The following THSD7B variants were observed in gnomAD, a reference collection of about 807,000 sequenced individuals.
The protein encoded by THSD7B is thrombospondin type-1 domain-containing protein 7B.
In THSD7B, 138 loss-of-function variants were observed where a neutral mutation model predicts 213.6. That is an observed-to-expected ratio of 0.65 (90% CI 0.56 to 0.74). THSD7B has a LOEUF of 0.74. THSD7B is among the 30% of genes least tolerant of loss of function. THSD7B has a pLI of 0.00. For missense variants in THSD7B, 1,931 were observed against 1,991.5 expected, an observed-to-expected ratio of 0.97 and a Z score of 0.58; for synonymous variants, 742 against 687.0, an observed-to-expected ratio of 1.08 and a Z score of -1.25.
intron 2 of THSD7B, among the ~76,000 whole-genome samples, chr2:136,989,333 G>A (rs1261914538): frequency 6.6e-6 from 1 of 152,190 alleles, no homozygotes; most frequent in East Asian, 1.9e-4. Flanking sequence ...CTCATGAATG[G>A]CTTGGTGCTG....
rs530402393 is a variant in THSD7B at position 137,463,209 on chromosome 2, G to C, written c.3138+12186G>C. 2.7e-4 allele frequency among the ~76,000 whole-genome samples: 41 copies of C among 152,236 alleles called. No homozygotes were observed. In the South Asian group the frequency reaches 6.8e-3, roughly 25 times the overall value. On this transcript the variant is annotated intron_variant, in intron 15 of 27. Coordinates refer to ENST00000409968, the MANE Select transcript of THSD7B (RefSeq NM_001316349.2). The stretch of plus-strand genomic sequence containing the variant: ...CTAGAGACAGCAAGGACCATGTAGC[G>C]TAAGCCAGGGGGCAACTACAACACA...
intron 12 of THSD7B, among the ~76,000 whole-genome samples, chr2:137,341,327 A>G (rs1684756664): frequency 1.3e-5 from 2 of 151,298 alleles, no homozygotes; most frequent in Admixed American, 1.3e-4. Context: ...AGCTCCTTAT[A>G]TATATTGAAT....
chr2:137,581,791 A>C (rs549903667), intron 17 of THSD7B, among the ~76,000 whole-genome samples: 309 of 149,278 alleles, frequency 2.1e-3, no homozygotes, highest in African/African-American at 7.0e-3. Flanking sequence ...AAAAATAATA[A>C]TAAATAATAA....
chr2:137,366,675 A>G (rs1347996801), intron 12 of THSD7B, among the ~76,000 whole-genome samples: 1 of 152,110 alleles, frequency 6.6e-6, no homozygotes, highest in Non-Finnish European at 1.5e-5. Context: ...CCTTCCTTGC[A>G]AATCTTGCAA....
intron 5 of THSD7B, among the ~76,000 whole-genome samples, chr2:137,145,258 TAAG>T (rs1313103840): frequency 2.0e-5 from 3 of 152,054 alleles, no homozygotes; most frequent in African/African-American, 7.2e-5. Context: ...CAATGAATAT[TAAG>T]AAGAGAGGCC....
chr2:137,405,779 C>CGCCT lies in THSD7B; in HGVS notation c.2667_2668insGCCT (p.Thr890AlafsTer5). On this transcript the variant is annotated frameshift_variant, in exon 13 of 28. Coordinates refer to ENST00000409968, the MANE Select transcript of THSD7B (RefSeq NM_001316349.2). LOFTEE classifies it high-confidence loss of function. ...CGCCCTGCTCCACGAACTGTGAAGC[C>CGCCT]ACAAAAAGTAGGCGGCGACAGCTCA... is the stretch of plus-strand genomic sequence containing the variant. The CGCCT allele has an allele frequency of 6.2e-7, 1 of 1,612,894 alleles. No individual in the cohort carries two copies. The highest frequency in any genetic ancestry group is 8.5e-7 in the Non-Finnish European group (1 of 1,179,468).
chr2:137,042,382 C>A (rs975655117), intron 2 of THSD7B, among the ~76,000 whole-genome samples: 1 of 152,100 alleles, frequency 6.6e-6, no homozygotes, highest in Non-Finnish European at 1.5e-5. Flanking sequence ...ATCATGCATG[C>A]AAAATATTTC....
intron 2 of THSD7B, among the ~76,000 whole-genome samples, chr2:137,011,583 C>A (rs1686231676): frequency 6.6e-6 from 1 of 152,170 alleles, no homozygotes; most frequent in Admixed American, 6.5e-5. Flanking sequence ...TAGGCCCTGG[C>A]TGAAAAGCAC....
Position 136,927,081 on chromosome 2 carries a change from G to A in THSD7B, c.139+44764G>A, listed in dbSNP as rs948499375. Among the ~76,000 whole-genome samples the A allele has an allele frequency of 7.2e-5, 11 of 151,760 alleles. 1 individual carries two copies. Among genetic ancestry groups the A allele is most frequent in the Admixed American group, 2.0e-4 (3 of 15,238 alleles). On this transcript the variant is annotated intron_variant, in intron 2 of 27. Coordinates refer to ENST00000409968, the MANE Select transcript of THSD7B (RefSeq NM_001316349.2). Reference sequence around the variant, plus strand: ...GTACACCAAAAAGACCTTATGATTTGTCTTATGCCTCAGCTATATATTCTG... The same window carrying A: ...GTACACCAAAAAGACCTTATGATTTATCTTATGCCTCAGCTATATATTCTG...
intron 16 of THSD7B, among the ~76,000 whole-genome samples, chr2:137,567,836 T>G (rs188649262): frequency 6.6e-6 from 1 of 152,278 alleles, no homozygotes; most frequent in African/African-American, 2.4e-5. Context: ...ACTATTACAG[T>G]CCAGTTCAGA....
intron 12 of THSD7B, among the ~76,000 whole-genome samples, chr2:137,350,083 T>A (rs1684973697): frequency 6.6e-6 from 1 of 151,890 alleles, no homozygotes; most frequent in African/African-American, 2.4e-5. Flanking sequence ...TAACCTGTTA[T>A]GTACCAATGT....
At chr2:136,943,692 A>T (rs1389993752) in intron 2 of THSD7B, among the ~76,000 whole-genome samples, 1 of 152,102 alleles carries the variant, frequency 6.6e-6, no homozygotes, top group Non-Finnish European at 1.5e-5. Flanking sequence ...GTATTCTCTG[A>T]TGGTAGTTTG....
At chr2:136,963,417 G>A (rs545816254) in intron 2 of THSD7B, among the ~76,000 whole-genome samples, 18 of 152,176 alleles carry the variant, frequency 1.2e-4, no homozygotes, top group East Asian at 5.8e-4. Flanking sequence ...CCGAGGGTGG[G>A]GAATTCCTTG....
chr2:137,612,874 T>C (rs1487977049), intron 17 of THSD7B, among the ~76,000 whole-genome samples: 1 of 152,188 alleles, frequency 6.6e-6, no homozygotes, highest in African/African-American at 2.4e-5. Context: ...AAATAAACTA[T>C]ATATTTAACA....
intron 15 of THSD7B, among the ~76,000 whole-genome samples, chr2:137,547,883 A>T (rs746443853): frequency 2.0e-5 from 3 of 151,936 alleles, no homozygotes; most frequent in Non-Finnish European, 4.4e-5. Flanking sequence ...TCACTGCATG[A>T]TAAGAAAGTC....
intron 20 of THSD7B, among the ~76,000 whole-genome samples, chr2:137,626,677 C>T (rs1372849200): frequency 4.6e-5 from 7 of 152,168 alleles, no homozygotes; most frequent in Admixed American, 4.6e-4. Flanking sequence ...CACTCAGCTT[C>T]CCTTTTCTCT....
chr2:137,309,830 A>G (rs1683848805), intron 12 of THSD7B, among the ~76,000 whole-genome samples: 1 of 152,170 alleles, frequency 6.6e-6, no homozygotes, highest in South Asian at 2.1e-4. Flanking sequence ...TACAAAGGAC[A>G]TGAACTCATC....
At chr2:136,827,074 A>G (rs1682656765) in intron 1 of THSD7B, among the ~76,000 whole-genome samples, 1 of 152,248 alleles carries the variant, frequency 6.6e-6, no homozygotes, top group Admixed American at 6.5e-5. Context: ...CATAGTTACT[A>G]TAGTTTCTGT....
chr2:137,425,986 G>T (rs1573618658), intron 14 of THSD7B, among the ~76,000 whole-genome samples: 1 of 152,080 alleles, frequency 6.6e-6, no homozygotes, highest in Non-Finnish European at 1.5e-5. Flanking sequence ...CAGTAAATTT[G>T]CAGGAAACAA....
Sources: gnomAD v4.1 joint callset for allele counts (sites outside exome capture counted in the v4.1 genomes callset) on GRCh38, gnomAD v4.1.1 for gene constraint, MANE v1.5 for transcripts, NCBI Gene and HGNC (gene_info 2026-07-23, HGNC 2026-07-21) for gene names.